The following ACVR1 variants were observed in gnomAD, a reference collection of about 807,000 sequenced individuals.
ACVR1 encodes the protein activin receptor type-1.
Under a neutral mutation model 57.1 loss-of-function variants are expected in ACVR1, and 38 were observed. The ratio of observed to expected loss-of-function variants is 0.67; its 90% CI spans 0.51 to 0.87. The LOEUF is 0.87. Ranked by LOEUF, ACVR1 falls within the 40% of genes least tolerant of loss-of-function variation. ACVR1 has a pLI of 0.00. For missense variants in ACVR1, 463 were observed against 638.2 expected (o/e 0.73, Z 2.96); for synonymous variants, 212 against 228.1 (o/e 0.93, Z 0.63).
chr2:157,842,953 A>T (rs1246144498), intron 1 of ACVR1, among the ~76,000 whole-genome samples: 2 of 152,206 alleles, frequency 1.3e-5, no homozygotes, highest in Non-Finnish European at 1.5e-5. Context: ...CTATTATAAA[A>T]GCCATGTGAT....
chr2:157,797,717 C>A (rs1367734880), intron 3 of ACVR1, among the ~76,000 whole-genome samples: 1 of 152,104 alleles, frequency 6.6e-6, no homozygotes, highest in Non-Finnish European at 1.5e-5. Flanking sequence ...AGTAAGTAAG[C>A]AAGGGTCAGA....
chr2:157,745,343 G>T (rs1365938404), intron 9 of ACVR1, among the ~76,000 whole-genome samples: 1 of 152,136 alleles, frequency 6.6e-6, no homozygotes, highest in African/African-American at 2.4e-5. Flanking sequence ...CCAAACATTT[G>T]GTAGCTATGA....
At chr2:157,778,696 T>C (rs1287617023) in intron 4 of ACVR1, among the ~76,000 whole-genome samples, 2 of 152,224 alleles carry the variant, frequency 1.3e-5, no homozygotes, top group Admixed American at 6.5e-5. Flanking sequence ...TGTACTATCC[T>C]TAAGAGAAAG....
intron 2 of ACVR1, among the ~76,000 whole-genome samples, chr2:157,802,227 G>C (rs1687351444): frequency 6.6e-6 from 1 of 152,104 alleles, no homozygotes. Context: ...GGTGAATACA[G>C]GACACAGATA....
intron 9 of ACVR1, among the ~76,000 whole-genome samples, chr2:157,752,550 G>C (rs1685245621): frequency 6.6e-6 from 1 of 152,074 alleles, no homozygotes; most frequent in Non-Finnish European, 1.5e-5. Context: ...CCAAATTAAG[G>C]AAATCCAAAA....
At chr2:157,791,817 CAAAACTG>C (rs1389883180) in intron 3 of ACVR1, among the ~76,000 whole-genome samples, 18 of 152,076 alleles carry the variant, frequency 1.2e-4, no homozygotes, top group Admixed American at 1.2e-3. Flanking sequence ...TAACCCTCTG[CAAAACTG>C]AAATTTGAAG....
rs368913573 is a variant in ACVR1, at chr2:157,778,269, T to C, written c.405A>G (p.Val135=). Residue 135 remains valine (V), a synonymous_variant, in exon 5 of 11, where the codon GTA becomes GTG. Transcript: ENST00000434821. ...CTCCCAGCAGGCAGGCTAAAAGACATACTGCGAACACTACAGAGAGAATAA... is the reference window on the plus strand; with the variant it reads ...CTCCCAGCAGGCAGGCTAAAAGACACACTGCGAACACTACAGAGAGAATAA... ...GLIILSVVFA[V]CLLACLLGVA... The C allele has an allele frequency of 6.2e-7, 1 of 1,614,090 alleles. No individual in the cohort carries two copies. The highest frequency in any genetic ancestry group is 8.5e-7 in the Non-Finnish European group (1 of 1,179,994).
chr2:157,868,658 G>A (rs1158042291), intron 1 of ACVR1, among the ~76,000 whole-genome samples: 2 of 152,048 alleles, frequency 1.3e-5, no homozygotes, highest in African/African-American at 2.4e-5. Flanking sequence ...TCTTTCAGAG[G>A]CCAGCCAAAC....
At chr2:157,816,911 A>AC (rs1687958892) in intron 2 of ACVR1, among the ~76,000 whole-genome samples, 1 of 151,264 alleles carries the variant, frequency 6.6e-6, no homozygotes, top group Admixed American at 6.6e-5. Flanking sequence ...TATTCATATT[A>AC]CCCCCATAAC....
intron 9 of ACVR1, among the ~76,000 whole-genome samples, chr2:157,741,213 C>T (rs570390390): frequency 1.3e-5 from 2 of 152,188 alleles, no homozygotes; most frequent in Admixed American, 6.5e-5. Context: ...CACCCATTTA[C>T]TTTGTACCTT....
At chr2:157,758,338 T>G (rs979650908) in intron 9 of ACVR1, among the ~76,000 whole-genome samples, 4 of 151,990 alleles carry the variant, frequency 2.6e-5, no homozygotes, top group Non-Finnish European at 5.9e-5. Context: ...GTTCGTCCTG[T>G]GAAACCCACA....
chr2:157,847,305 G>C (rs1322657506), intron 1 of ACVR1, among the ~76,000 whole-genome samples: 3 of 152,078 alleles, frequency 2.0e-5, no homozygotes, highest in Non-Finnish European at 4.4e-5. Context: ...GTAATGGACT[G>C]AGATCTAAAG....
intron 2 of ACVR1, among the ~76,000 whole-genome samples, chr2:157,800,253 T>C (rs922973176): frequency 2.6e-5 from 4 of 152,234 alleles, no homozygotes; most frequent in African/African-American, 9.6e-5. Context: ...GATAGGTTAG[T>C]GTGCTTGTAC....
At chr2:157,809,714 G>C (rs1304389962) in intron 2 of ACVR1, among the ~76,000 whole-genome samples, 1 of 152,128 alleles carries the variant, frequency 6.6e-6, no homozygotes, top group Non-Finnish European at 1.5e-5. Flanking sequence ...AAAAATAGGT[G>C]ATGCGCCCAA....
chr2:157,786,656 T>C (rs1204883743), intron 3 of ACVR1, among the ~76,000 whole-genome samples: 2 of 152,216 alleles, frequency 1.3e-5, no homozygotes, highest in Non-Finnish European at 2.9e-5. Context: ...AAAATACAAG[T>C]GTTCCTTAAA....
intron 1 of ACVR1, among the ~76,000 whole-genome samples, chr2:157,839,953 C>T (rs1688922401): frequency 6.6e-6 from 1 of 152,176 alleles, no homozygotes. Flanking sequence ...GGGATACACC[C>T]CCTCCTATTC....
intron 1 of ACVR1, among the ~76,000 whole-genome samples, chr2:157,862,422 TACACACACACACACACACACAC>T (rs68077740): frequency 2.8e-5 from 4 of 143,654 alleles, no homozygotes; most frequent in Non-Finnish European, 6.0e-5. Flanking sequence ...CATATACACA[TACACACACACACACACACACAC>T]ACACACACAC....
chr2:157,862,110 T>C (rs1689739688), intron 1 of ACVR1, among the ~76,000 whole-genome samples: 1 of 152,232 alleles, frequency 6.6e-6, no homozygotes, highest in African/African-American at 2.4e-5. Flanking sequence ...TTCAAAATTA[T>C]GCATGACCCA....
chr2:157,805,771 T>G (rs1687496037), intron 2 of ACVR1, among the ~76,000 whole-genome samples: 1 of 151,870 alleles, frequency 6.6e-6, no homozygotes, highest in South Asian at 2.1e-4. Flanking sequence ...TCTGTCATCC[T>G]TAACAGTTTT....
Sources: allele counts gnomAD v4.1 joint callset (sites outside exome capture counted in the v4.1 genomes callset), GRCh38; gene constraint gnomAD v4.1.1; transcripts MANE v1.5; gene names NCBI Gene and HGNC (gene_info 2026-07-23, HGNC 2026-07-21).